The following GALNTL6 variants were observed in gnomAD, a reference collection of about 807,000 sequenced individuals.
GALNTL6 encodes the protein polypeptide N-acetylgalactosaminyltransferase like 6.
A neutral mutation model predicts 73.7 loss-of-function variants in GALNTL6; 46 were observed. That is an observed-to-expected ratio of 0.62 (90% CI 0.49 to 0.80). The LOEUF (loss-of-function observed/expected upper bound fraction) is 0.80. Ranked by LOEUF, GALNTL6 falls within the 30% of genes least tolerant of loss-of-function variation. The pLI, the probability that GALNTL6 is intolerant of heterozygous loss-of-function variation, is 0.00. For synonymous variants in GALNTL6, 259 were observed against 263.7 expected (o/e 0.98, Z 0.17); for missense variants, 604 against 755.0 (o/e 0.80, Z 2.34).
intron 10 of GALNTL6, among the ~76,000 whole-genome samples, chr4:172,970,073 G>A (rs573818046): frequency 7.2e-5 from 11 of 152,206 alleles, no homozygotes; most frequent in African/African-American, 1.7e-4. Context: ...GGGTGTGTAC[G>A]AACAGGGAGT....
intron 3 of GALNTL6, among the ~76,000 whole-genome samples, chr4:172,286,335 ATGT>A (rs1167907428): frequency 6.6e-6 from 1 of 152,136 alleles, no homozygotes; most frequent in Non-Finnish European, 1.5e-5. Flanking sequence ...ATGTGTGATG[ATGT>A]TGTGGGAGGA....
chr4:172,279,369 C>T (rs1056555383), intron 3 of GALNTL6, among the ~76,000 whole-genome samples: 6 of 152,014 alleles, frequency 3.9e-5, no homozygotes, highest in Admixed American at 3.9e-4. Flanking sequence ...AACTCAACAA[C>T]AACAAAATAA....
intron 2 of GALNTL6, among the ~76,000 whole-genome samples, chr4:172,188,032 C>T (rs918169450): frequency 1.3e-5 from 2 of 152,146 alleles, no homozygotes; most frequent in African/African-American, 4.8e-5. Flanking sequence ...GCCAGTTCAT[C>T]ATTCAGAAAA....
At chr4:172,450,637 T>C (rs2111420910) in intron 5 of GALNTL6, among the ~76,000 whole-genome samples, 1 of 152,372 alleles carries the variant, frequency 6.6e-6, no homozygotes, top group East Asian at 1.9e-4. Context: ...TGTGAGTTCC[T>C]TGTGTTCCTC....
chr4:172,436,593 G>A (rs1020062659), intron 5 of GALNTL6, among the ~76,000 whole-genome samples: 1 of 152,060 alleles, frequency 6.6e-6, no homozygotes, highest in Non-Finnish European at 1.5e-5. Context: ...ATGCTTAAGT[G>A]AAAAACACTT....
chr4:172,539,221 T>C (rs567156218), intron 5 of GALNTL6, among the ~76,000 whole-genome samples: 5 of 152,202 alleles, frequency 3.3e-5, no homozygotes, highest in Non-Finnish European at 5.9e-5. Flanking sequence ...TTCACCATCA[T>C]CTATGAATAT....
chr4:172,999,385 C>T (rs1458263584), intron 10 of GALNTL6, among the ~76,000 whole-genome samples: 1 of 152,248 alleles, frequency 6.6e-6, no homozygotes, highest in East Asian at 1.9e-4. Flanking sequence ...CCTGCTCAGC[C>T]CTTCCAGTGT....
At chr4:172,066,343 C>A (rs993052976) in intron 2 of GALNTL6, among the ~76,000 whole-genome samples, 1 of 152,136 alleles carries the variant, frequency 6.6e-6, no homozygotes, top group Non-Finnish European at 1.5e-5. Flanking sequence ...TTCCAAATCA[C>A]ATAGTATGTA....
chr4:172,404,967 G>T (rs988106725), intron 5 of GALNTL6, among the ~76,000 whole-genome samples: 6 of 152,024 alleles, frequency 3.9e-5, no homozygotes, highest in Admixed American at 3.9e-4. Context: ...GCAACTGTGG[G>T]AAAATGCCCA....
At chr4:172,422,966 G>C (rs1218906700) in intron 5 of GALNTL6, among the ~76,000 whole-genome samples, 1 of 151,306 alleles carries the variant, frequency 6.6e-6, no homozygotes, top group Non-Finnish European at 1.5e-5. Flanking sequence ...ACTTCCTGTT[G>C]TCTACCTCTG....
chr4:172,891,185 C>T (rs914221522), intron 8 of GALNTL6, among the ~76,000 whole-genome samples: 7 of 150,958 alleles, frequency 4.6e-5, no homozygotes, highest in African/African-American at 7.3e-5. Context: ...GACCAATATG[C>T]GAGGTTTTGA....
intron 5 of GALNTL6, among the ~76,000 whole-genome samples, chr4:172,374,066 G>T (rs1438176081): frequency 4.6e-5 from 7 of 152,194 alleles, no homozygotes; most frequent in African/African-American, 1.2e-4. Context: ...TCGTTCTCTG[G>T]AGCAGTGCAC....
chr4:172,698,958 G>A (rs1299321180), intron 5 of GALNTL6, among the ~76,000 whole-genome samples: 1 of 152,050 alleles, frequency 6.6e-6, no homozygotes, highest in South Asian at 2.1e-4. Flanking sequence ...CATAAATTGG[G>A]TAGCTTATAA....
chr4:171,835,941 C>A (rs1410247660), intron 2 of GALNTL6, among the ~76,000 whole-genome samples: 1 of 151,854 alleles, frequency 6.6e-6, no homozygotes, highest in Non-Finnish European at 1.5e-5. Flanking sequence ...AGGGTGCAAT[C>A]AATTGATAGT....
At chr4:172,258,111 C>T (rs918348828) in intron 3 of GALNTL6, among the ~76,000 whole-genome samples, 3 of 151,158 alleles carry the variant, frequency 2.0e-5, no homozygotes, top group South Asian at 2.1e-4. Flanking sequence ...TTCCTTGCCT[C>T]GGGAATATAC....
intron 2 of GALNTL6, among the ~76,000 whole-genome samples, chr4:172,094,246 A>C (rs1196529121): frequency 1.3e-5 from 2 of 152,190 alleles, no homozygotes; most frequent in Non-Finnish European, 2.9e-5. Flanking sequence ...ATTTTAACTT[A>C]CTTGGAAATG....
Position 172,069,602 on chromosome 4 carries a change from A to ATG in GALNTL6, c.139-160052_139-160051dup, listed in dbSNP as rs1372515104. On this transcript the variant is annotated intron_variant, in intron 2 of 12. Transcript: ENST00000506823. Reference sequence around the variant, plus strand: ...TATATATTATATATATAACACATATATGTTATATATATATAACATATATAT... The same window carrying ATG: ...TATATATTATATATATAACACATATATGTGTTATATATATATAACATATATAT... Among the ~76,000 whole-genome samples, 12 of 7,540 alleles carry ATG rather than the reference A, an allele frequency of 1.6e-3. 3 individuals carry two copies. In the South Asian group the frequency reaches 0.044, roughly 28 times the overall value. 4.9% of individuals were successfully genotyped at this position (7,540 alleles called of 152,430 possible). A position where few individuals can be genotyped will look rare whatever the true frequency, so the allele number is the denominator to read the frequency against.
chr4:171,861,751 TATTTATAAAA>T (rs1233694301), intron 2 of GALNTL6, among the ~76,000 whole-genome samples: 4 of 152,156 alleles, frequency 2.6e-5, no homozygotes, highest in African/African-American at 9.7e-5. Flanking sequence ...AATTTTGAGA[TATTTATAAAA>T]ACAAATATCA....
In GALNTL6 at chr4:172,932,468, T is replaced by A. The variant is rs139633967; in HGVS notation, c.1149+1200T>A. On this transcript the variant is annotated intron_variant, in intron 9 of 12. Transcript: ENST00000506823. ...TCCCTTTCTGAGAGTATTCATCAACTGTCCATTTCTCTTTAGCTACATCCA... is the reference window on the plus strand; with the variant it reads ...TCCCTTTCTGAGAGTATTCATCAACAGTCCATTTCTCTTTAGCTACATCCA... Among the ~76,000 whole-genome samples, 290 of 152,308 alleles carry A rather than the reference T, an allele frequency of 1.9e-3. 1 individual carries two copies. The highest frequency in any genetic ancestry group is 6.6e-3 in the African/African-American group (273 of 41,580).
Sources: allele counts gnomAD v4.1 joint callset (sites outside exome capture counted in the v4.1 genomes callset), GRCh38; gene constraint gnomAD v4.1.1; transcripts MANE v1.5; gene names NCBI Gene and HGNC (gene_info 2026-07-23, HGNC 2026-07-21).